Variants in ERGIC1 observed in about 807,000 individuals in gnomAD.
The protein encoded by ERGIC1 is endoplasmic reticulum-golgi intermediate compartment 1, also known as endoplasmic reticulum-Golgi intermediate compartment protein 1.
ERGIC1 carries 19 observed loss-of-function variants against 38.3 expected under a neutral mutation model. The ratio of observed to expected loss-of-function variants is 0.50; its 90% confidence interval spans 0.35 to 0.73. ERGIC1 has a LOEUF of 0.73. ERGIC1 is among the 30% of genes least tolerant of loss of function. ERGIC1 has a pLI of 0.01. For synonymous variants in ERGIC1, 124 were observed against 157.6 expected, an observed-to-expected ratio of 0.79 and a Z score of 1.60; for missense variants, 294 against 389.2, an observed-to-expected ratio of 0.76 and a Z score of 2.06.
At chr5:172,939,560 C>T (rs1052453992) in intron 9 of ERGIC1, among the ~76,000 whole-genome samples, 10 of 151,636 alleles carry the variant, frequency 6.6e-5, no homozygotes, top group Non-Finnish European at 7.4e-5. Flanking sequence ...TCTATGACTC[C>T]TCCTTCTCTT....
At chr5:172,943,870 G>T (rs934113309) in intron 9 of ERGIC1, among the ~76,000 whole-genome samples, 1 of 152,204 alleles carries the variant, frequency 6.6e-6, no homozygotes, top group African/African-American at 2.4e-5. Flanking sequence ...CCGCTCCAGT[G>T]CGGCTGGAAC....
rs146184534 is a variant in ERGIC1 at position 172,838,684 on chromosome 5, G to C, written c.20+4251G>C. Among the ~76,000 whole-genome samples, 396 of 152,106 alleles carry C rather than the reference G, an allele frequency of 2.6e-3. 2 individuals are homozygous for C. Among genetic ancestry groups the C allele is most frequent in the Admixed American group, 5.8e-3 (89 of 15,294 alleles). On this transcript the variant is annotated intron_variant, in intron 1 of 9. Transcript: ENST00000393784. ...TGGCCTCAAGTCATCCTCCTTCCTTGGCCTCCCAAAGTGCTAAGATCACAG... is the reference window on the plus strand; with the variant it reads ...TGGCCTCAAGTCATCCTCCTTCCTTCGCCTCCCAAAGTGCTAAGATCACAG...
chr5:172,845,992 T>C (rs1431007993), intron 1 of ERGIC1, among the ~76,000 whole-genome samples: 3 of 152,138 alleles, frequency 2.0e-5, no homozygotes, highest in African/African-American at 7.2e-5. Context: ...AGGCCAGGCA[T>C]CCTGTAGAAT....
intron 1 of ERGIC1, among the ~76,000 whole-genome samples, chr5:172,869,915 A>T (rs1761959920): frequency 6.6e-6 from 1 of 152,168 alleles, no homozygotes; most frequent in Non-Finnish European, 1.5e-5. Flanking sequence ...GACATTGCTA[A>T]TCTATCTCAG....
intron 1 of ERGIC1, among the ~76,000 whole-genome samples, chr5:172,835,726 G>T (rs1036754349): frequency 4.6e-5 from 7 of 152,200 alleles, no homozygotes; most frequent in Admixed American, 3.3e-4. Flanking sequence ...AGAGGACACT[G>T]GTCTTGGACC....
chr5:172,872,211 C>G (rs1214978846), intron 1 of ERGIC1, among the ~76,000 whole-genome samples: 1 of 152,154 alleles, frequency 6.6e-6, no homozygotes. Flanking sequence ...CCAGCCTCGT[C>G]CCCATGTGTC....
chr5:172,929,913 C>G (rs1461370868), intron 7 of ERGIC1, among the ~76,000 whole-genome samples: 1 of 152,108 alleles, frequency 6.6e-6, no homozygotes, highest in Admixed American at 6.6e-5. Context: ...GATGGCTGGG[C>G]GCGGTGGCTA....
At chr5:172,879,379 C>T (rs1762226516) in intron 1 of ERGIC1, among the ~76,000 whole-genome samples, 1 of 152,166 alleles carries the variant, frequency 6.6e-6, no homozygotes, top group African/African-American at 2.4e-5. Context: ...CCTATGTTCT[C>T]ATTGACTTTT....
chr5:172,877,410 A>ATGTGTGTGTGTGTG (rs34909688), intron 1 of ERGIC1, among the ~76,000 whole-genome samples: 53 of 102,326 alleles, frequency 5.2e-4, no homozygotes, highest in Middle Eastern at 6.1e-3. Context: ...TATTATATAT[A>ATGTGTGTGTGTGTG]TGTGTGTGTG....
intron 1 of ERGIC1, among the ~76,000 whole-genome samples, chr5:172,876,180 A>C (rs1330712683): frequency 1.3e-5 from 2 of 152,134 alleles, no homozygotes; most frequent in Non-Finnish European, 2.9e-5. Flanking sequence ...GGATCACTGC[A>C]TTCAGGCAGG....
chr5:172,886,777 C>T (rs1011223726), intron 1 of ERGIC1, among the ~76,000 whole-genome samples: 5 of 152,162 alleles, frequency 3.3e-5, no homozygotes, highest in Non-Finnish European at 7.3e-5. Flanking sequence ...GGTTAAGTGA[C>T]GGTCCCAGGG....
At chr5:172,884,063 C>G (rs58355822) in intron 1 of ERGIC1, among the ~76,000 whole-genome samples, 3 of 152,122 alleles carry the variant, frequency 2.0e-5, no homozygotes, top group Non-Finnish European at 2.9e-5. Flanking sequence ...TAAGCGTTTT[C>G]TGGGGGAAGT....
chr5:172,839,554 A>T lies in ERGIC1; in HGVS notation c.20+5121A>T, dbSNP rs1034854373. Among the ~76,000 whole-genome samples, 5 of 152,040 alleles carry T rather than the reference A, an allele frequency of 3.3e-5. No individual in the cohort carries two copies. In the South Asian group the frequency reaches 6.2e-4, roughly 19 times the overall value. On this transcript the variant is annotated intron_variant, in intron 1 of 9. Transcript: ENST00000393784. ...ATTCCACACTGGGTAACAGAGCAAGACCCTATCTCAAAACACACACACACA... is the reference window on the plus strand; with the variant it reads ...ATTCCACACTGGGTAACAGAGCAAGTCCCTATCTCAAAACACACACACACA...
intron 5 of ERGIC1, chr5:172,920,236 A>G: frequency 1.4e-6 from 1 of 699,256 alleles, no homozygotes; most frequent in Non-Finnish European, 2.7e-6. Context: ...GGAACCGCCC[A>G]TCAAGAGGTG....
chr5:172,915,243 G>C, intron 5 of ERGIC1: 1 of 596,900 alleles, frequency 1.7e-6, no homozygotes. Context: ...AAGTTTGTGT[G>C]GGGATTAAAT....
At chr5:172,923,898 G>A in intron 5 of ERGIC1, 107 bp from the exon 6 acceptor site, 1 of 977,288 alleles carries the variant, frequency 1.0e-6, no homozygotes, top group Admixed American at 2.0e-5. Flanking sequence ...TCCAAACCCA[G>A]ATCTGCCTGA....
intron 5 of ERGIC1, chr5:172,917,631 C>T (rs1265897848): frequency 6.6e-6 from 1 of 152,042 alleles, no homozygotes; most frequent in Non-Finnish European, 1.5e-5. Context: ...CAGACACCCC[C>T]AAGAAGAGCG....
chr5:172,905,254 C>T (rs951779457), intron 3 of ERGIC1: 8 of 284,066 alleles, frequency 2.8e-5, no homozygotes, highest in Non-Finnish European at 6.1e-5. Flanking sequence ...CCCAGGCTCT[C>T]CTTAGTTGAC....
chr5:172,932,587 A>T, intron 8 of ERGIC1, 51 bp downstream of exon 8: 1 of 1,556,960 alleles, frequency 6.4e-7, no homozygotes, highest in Non-Finnish European at 8.8e-7. Context: ...CCCTCTGCTG[A>T]CGGAGAGCAG....
Sources: gnomAD v4.1 joint callset for allele counts (sites outside exome capture counted in the v4.1 genomes callset) on GRCh38, gnomAD v4.1.1 for gene constraint, MANE v1.5 for transcripts, NCBI Gene and HGNC (gene_info 2026-07-23, HGNC 2026-07-21) for gene names.